Variants in ARHGAP42 observed in about 807,000 individuals in gnomAD.
The protein encoded by ARHGAP42 is Rho GTPase activating protein 42.
A neutral mutation model predicts 125.0 loss-of-function variants in ARHGAP42; 63 were observed. The ratio of observed to expected loss-of-function variants is 0.50; its 90% CI spans 0.41 to 0.62. The LOEUF is 0.62. Ranked by LOEUF, ARHGAP42 falls within the 20% of genes least tolerant of loss-of-function variation. ARHGAP42 has a pLI of 0.00. For synonymous variants in ARHGAP42, 339 were observed against 351.0 expected, an observed-to-expected ratio of 0.97 and a Z score of 0.38; for missense variants, 766 against 1,024.2, an observed-to-expected ratio of 0.75 and a Z score of 3.44.
At chr11:100,699,516 T>A (rs1299355235) in intron 1 of ARHGAP42, among the ~76,000 whole-genome samples, 29 of 70,112 alleles carry the variant, frequency 4.1e-4, no homozygotes, top group Admixed American at 1.1e-3. Context: ...ATTTTTTTTT[T>A]TTTTTTTTTT....
intron 3 of ARHGAP42, among the ~76,000 whole-genome samples, chr11:100,851,026 C>T (rs949527054): frequency 6.6e-5 from 10 of 151,844 alleles, no homozygotes; most frequent in Admixed American, 2.0e-4. Flanking sequence ...GGATTACAGA[C>T]GTGTGCCACC....
At chr11:100,811,241 C>G (rs745942758) in intron 3 of ARHGAP42, among the ~76,000 whole-genome samples, 1 of 152,190 alleles carries the variant, frequency 6.6e-6, no homozygotes, top group African/African-American at 2.4e-5. Context: ...TAGGCGCGAG[C>G]TACCATGCCT....
intron 1 of ARHGAP42, among the ~76,000 whole-genome samples, chr11:100,689,229 T>A (rs1591107854): frequency 6.6e-6 from 1 of 152,212 alleles, no homozygotes; most frequent in East Asian, 1.9e-4. Flanking sequence ...AAAAATATAG[T>A]TTGTCTGCAA....
intron 8 of ARHGAP42, among the ~76,000 whole-genome samples, chr11:100,937,388 T>C (rs1374912753): frequency 6.6e-6 from 1 of 152,218 alleles, no homozygotes; most frequent in African/African-American, 2.4e-5. Context: ...GTAGGGTATA[T>C]AGATTTCACT....
At chr11:100,900,040 C>T (rs960934969) in intron 4 of ARHGAP42, among the ~76,000 whole-genome samples, 4 of 152,062 alleles carry the variant, frequency 2.6e-5, no homozygotes, top group African/African-American at 9.7e-5. Context: ...TGGAGTGGCT[C>T]GTACTGGTCG....
chr11:100,792,013 C>T (rs1209062515), intron 2 of ARHGAP42, among the ~76,000 whole-genome samples: 12 of 152,068 alleles, frequency 7.9e-5, no homozygotes, highest in Non-Finnish European at 2.9e-5. Flanking sequence ...TCACGATTTG[C>T]TCTTGAGGTA....
chr11:100,695,615 A>G (rs957089277), intron 1 of ARHGAP42, among the ~76,000 whole-genome samples: 9 of 152,108 alleles, frequency 5.9e-5, no homozygotes, highest in Non-Finnish European at 8.8e-5. Context: ...TCTAGGATTC[A>G]TTTAACCAGA....
intron 2 of ARHGAP42, among the ~76,000 whole-genome samples, chr11:100,780,033 A>G (rs1214494747): frequency 4.2e-5 from 6 of 143,404 alleles, no homozygotes; most frequent in Admixed American, 6.9e-5. Flanking sequence ...CTCAAAAACT[A>G]AAAAAAAAAA....
intron 1 of ARHGAP42, among the ~76,000 whole-genome samples, chr11:100,750,912 T>G (rs1862433775): frequency 6.6e-6 from 1 of 151,880 alleles, no homozygotes. Flanking sequence ...TCTTGAAGCT[T>G]TCTTCATTCT....
chr11:100,725,062 T>TAAA (rs1323936823), intron 1 of ARHGAP42, among the ~76,000 whole-genome samples: 3 of 152,200 alleles, frequency 2.0e-5, no homozygotes, highest in African/African-American at 7.2e-5. Flanking sequence ...TGGAGATTTC[T>TAAA]ACGACCTGTA....
chr11:100,879,872 A>G (rs1004423032), intron 4 of ARHGAP42, among the ~76,000 whole-genome samples: 1 of 152,066 alleles, frequency 6.6e-6, no homozygotes, highest in Non-Finnish European at 1.5e-5. Context: ...TAAAAATGAA[A>G]ATCTTTTGGG....
chr11:100,960,640 C>T (rs1857930282), intron 13 of ARHGAP42, among the ~76,000 whole-genome samples: 1 of 152,126 alleles, frequency 6.6e-6, no homozygotes. Context: ...ATCATCCCTT[C>T]CCATCTCCAT....
intron 3 of ARHGAP42, among the ~76,000 whole-genome samples, chr11:100,817,965 G>C (rs1043117218): frequency 6.6e-6 from 1 of 152,158 alleles, no homozygotes; most frequent in African/African-American, 2.4e-5. Flanking sequence ...GGCAAGTCAA[G>C]GACTTTTATT....
At chr11:100,940,458 A>G (rs1384822838) in intron 8 of ARHGAP42, among the ~76,000 whole-genome samples, 3 of 152,252 alleles carry the variant, frequency 2.0e-5, no homozygotes, top group East Asian at 3.9e-4. Flanking sequence ...TGGCTTCCCT[A>G]TGGGAAAACT....
At chr11:100,784,445 A>T (rs1054498035) in intron 2 of ARHGAP42, among the ~76,000 whole-genome samples, 1 of 152,218 alleles carries the variant, frequency 6.6e-6, no homozygotes, top group Non-Finnish European at 1.5e-5. Context: ...GACAGCAGAG[A>T]TGAAGTAAGA....
chr11:100,778,081 G>A (rs1591173406), intron 2 of ARHGAP42, among the ~76,000 whole-genome samples: 1 of 152,036 alleles, frequency 6.6e-6, no homozygotes, highest in Admixed American at 6.6e-5. Context: ...GGCTGAGGCT[G>A]CAGGATCCCT....
At chr11:100,988,408 C>T (rs1345015434) in intron 23 of ARHGAP42, among the ~76,000 whole-genome samples, 3 of 151,998 alleles carry the variant, frequency 2.0e-5, no homozygotes, top group African/African-American at 7.2e-5. Context: ...AATAATAATA[C>T]AAATTTTAAA....
At chr11:100,959,989 A>G (rs576502791) in intron 13 of ARHGAP42, 44 bp downstream of exon 13, 2 of 1,489,130 alleles carry the variant, frequency 1.3e-6, no homozygotes, top group African/African-American at 1.4e-5. Context: ...CATGTGTCTC[A>G]TTCTTACATG....
intron 10 of ARHGAP42, among the ~76,000 whole-genome samples, chr11:100,948,000 T>A (rs12277144): frequency 3.3e-5 from 5 of 152,042 alleles, no homozygotes; most frequent in African/African-American, 1.2e-4. Context: ...TTTAGTGTCT[T>A]TTTACCTGTT....
Sources: gnomAD v4.1 joint callset for allele counts (sites outside exome capture counted in the v4.1 genomes callset) on GRCh38, gnomAD v4.1.1 for gene constraint, MANE v1.5 for transcripts, NCBI Gene and HGNC (gene_info 2026-07-23, HGNC 2026-07-21) for gene names.